DPP6: variants seen among roughly 807,000 people sequenced by gnomAD.
DPP6 encodes the protein A-type potassium channel modulatory protein DPP6.
DPP6 carries 69 observed loss-of-function variants against 122.6 expected under a neutral mutation model. That is an observed-to-expected ratio of 0.56 (90% CI 0.46 to 0.69). The LOEUF is 0.69. Ranked by LOEUF, DPP6 falls within the 30% of genes least tolerant of loss-of-function variation. The pLI, the probability that DPP6 is intolerant of heterozygous loss-of-function variation, is 0.00. For synonymous variants in DPP6, 418 were observed against 433.1 expected (o/e 0.97, Z 0.43); for missense variants, 928 against 1,116.9 (o/e 0.83, Z 2.41).
chr7:154,719,434 A>G (rs1472855568), intron 7 of DPP6, among the ~76,000 whole-genome samples: 2 of 152,256 alleles, frequency 1.3e-5, no homozygotes, highest in African/African-American at 2.4e-5. Flanking sequence ...TGACATGTGG[A>G]CCCTGCTCTC....
intron 10 of DPP6, among the ~76,000 whole-genome samples, chr7:154,784,002 A>T (rs1301995237): frequency 6.6e-6 from 1 of 152,090 alleles, no homozygotes; most frequent in African/African-American, 2.4e-5. Flanking sequence ...CATTTTCTAT[A>T]GGGGCAAAGA....
intron 1 of DPP6, among the ~76,000 whole-genome samples, chr7:153,975,521 AAG>A (rs1008816609): frequency 2.0e-5 from 3 of 151,802 alleles, no homozygotes; most frequent in African/African-American, 7.3e-5. Flanking sequence ...AACTTGAACT[AAG>A]AGAGAAAACT....
chr7:154,093,973 C>T (rs937777032), intron 1 of DPP6: 3 of 152,142 alleles, frequency 2.0e-5, no homozygotes, highest in African/African-American at 7.2e-5. Context: ...TTAATTCCTG[C>T]TAGCATAAAA....
chr7:154,136,114 A>G (rs1162861142), intron 1 of DPP6, among the ~76,000 whole-genome samples: 4 of 152,022 alleles, frequency 2.6e-5, no homozygotes, highest in African/African-American at 7.2e-5. Flanking sequence ...TGTTTCTCCA[A>G]TGCCAGTTCA....
At chr7:154,200,391 T>C (rs963176128) in intron 1 of DPP6, among the ~76,000 whole-genome samples, 1 of 151,986 alleles carries the variant, frequency 6.6e-6, no homozygotes, top group African/African-American at 2.4e-5. Context: ...AGTAGATGAG[T>C]GTATGCTGCA....
At chr7:154,105,223 G>A (rs1018434757) in intron 1 of DPP6, among the ~76,000 whole-genome samples, 5 of 152,266 alleles carry the variant, frequency 3.3e-5, no homozygotes, top group African/African-American at 1.2e-4. Flanking sequence ...TGTCAAAGAA[G>A]GCAAGTGGGA....
chr7:153,839,524 G>A, the DPP6 span, among the ~76,000 whole-genome samples: 10 of 152,218 alleles, frequency 6.6e-5, no homozygotes, highest in Admixed American at 1.3e-4. Context: ...AGGCTGACTA[G>A]TCCAACCTCA....
At chr7:153,830,325 T>G in the DPP6 span, among the ~76,000 whole-genome samples, 1 of 152,330 alleles carries the variant, frequency 6.6e-6, no homozygotes, top group East Asian at 1.9e-4. Flanking sequence ...CTTTGGTCAT[T>G]GGATTTTCAT....
At chr7:154,175,000 A>T (rs995658015) in intron 1 of DPP6, among the ~76,000 whole-genome samples, 12 of 151,818 alleles carry the variant, frequency 7.9e-5, no homozygotes, top group African/African-American at 2.9e-4. Flanking sequence ...CAGCCTCCCG[A>T]GTAGCTGGGA....
At chr7:154,577,056 T>C (rs1211317883) in intron 5 of DPP6, among the ~76,000 whole-genome samples, 3 of 151,820 alleles carry the variant, frequency 2.0e-5, no homozygotes, top group South Asian at 2.1e-4. Flanking sequence ...ATGGGATTCA[T>C]AGGAGAAGTG....
At chr7:154,791,317 A>G (rs2150422279) in intron 10 of DPP6, among the ~76,000 whole-genome samples, 1 of 152,328 alleles carries the variant, frequency 6.6e-6, no homozygotes, top group Non-Finnish European at 1.5e-5. Context: ...GTAATTTAGA[A>G]AGAGAGAGGT....
chr7:154,099,354 C>T (rs2150566316), intron 1 of DPP6, among the ~76,000 whole-genome samples: 1 of 152,042 alleles, frequency 6.6e-6, no homozygotes, highest in Non-Finnish European at 1.5e-5. Context: ...AAAAACCTTG[C>T]CTTCCTTGGC....
the DPP6 span, among the ~76,000 whole-genome samples, chr7:153,786,358 A>G: frequency 6.6e-6 from 1 of 150,678 alleles, no homozygotes; most frequent in Non-Finnish European, 1.5e-5. Context: ...GCATGCAAAT[A>G]ACATAAATTC....
chr7:153,995,588 C>CAAAAAAAAAA (rs55905154), intron 1 of DPP6, among the ~76,000 whole-genome samples: 1 of 88,948 alleles, frequency 1.1e-5, no homozygotes, highest in Non-Finnish European at 2.0e-5. Context: ...GACTCCGTCT[C>CAAAAAAAAAA]AAAAAAAAAA....
At chr7:154,688,016 C>G (rs371130310) in intron 7 of DPP6, among the ~76,000 whole-genome samples, 1 of 152,186 alleles carries the variant, frequency 6.6e-6, no homozygotes, top group African/African-American at 2.4e-5. Flanking sequence ...CACTGTGTTC[C>G]ACTCATCTTT....
At chr7:153,995,315 G>T (rs562900590) in intron 1 of DPP6, among the ~76,000 whole-genome samples, 1 of 152,164 alleles carries the variant, frequency 6.6e-6, no homozygotes, top group Admixed American at 6.5e-5. Flanking sequence ...GGCTGGGCGC[G>T]GTGGCTTATG....
intron 1 of DPP6, among the ~76,000 whole-genome samples, chr7:153,923,921 G>A (rs904967127): frequency 2.0e-5 from 3 of 151,958 alleles, no homozygotes; most frequent in Admixed American, 6.6e-5. Flanking sequence ...GATAATACTA[G>A]AAAATAAATA....
intron 3 of DPP6, among the ~76,000 whole-genome samples, chr7:154,523,912 T>A (rs1273585633): frequency 6.6e-6 from 1 of 152,242 alleles, no homozygotes; most frequent in African/African-American, 2.4e-5. Flanking sequence ...TGGGATAATA[T>A]CCCATTAACT....
chr7:154,330,541 G>A (rs966127850), intron 1 of DPP6, among the ~76,000 whole-genome samples: 14 of 152,188 alleles, frequency 9.2e-5, no homozygotes, highest in African/African-American at 3.4e-4. Flanking sequence ...TTGACAAAGA[G>A]CAGATGTTCC....
Sources: gnomAD v4.1 joint callset for allele counts (sites outside exome capture counted in the v4.1 genomes callset) on GRCh38, gnomAD v4.1.1 for gene constraint, MANE v1.5 for transcripts, NCBI Gene and HGNC (gene_info 2026-07-23, HGNC 2026-07-21) for gene names.